The following LRATD1 variants were observed in gnomAD, a reference collection of about 807,000 sequenced individuals.
LRATD1 encodes LRAT domain containing 1, also known as protein LRATD1.
LRATD1 carries 8 observed loss-of-function variants against 21.3 expected under a neutral mutation model. The ratio of observed to expected loss-of-function variants is 0.38; its 90% CI spans 0.22 to 0.68. LRATD1 has a LOEUF of 0.68. Among genes scored for constraint, LRATD1 ranks in the 30% least tolerant of loss-of-function variants. The probability of loss-of-function intolerance (pLI) is 0.54; values close to 1 mark genes in which losing one functional copy is unlikely to be tolerated. For synonymous variants in LRATD1, 210 were observed against 186.2 expected (o/e 1.13, Z -1.04); for missense variants, 380 against 404.0 (o/e 0.94, Z 0.51).
chr2:14,647,306 G>C (rs897579002), intron 4 of LRATD1, among the ~76,000 whole-genome samples: 2 of 152,052 alleles, frequency 1.3e-5, no homozygotes, highest in Non-Finnish European at 2.9e-5. Context: ...GAGAGAATGG[G>C]TCTTCTCTTA....
intron 4 of LRATD1, among the ~76,000 whole-genome samples, chr2:14,646,851 T>A (rs1289344728): frequency 6.6e-6 from 1 of 152,196 alleles, no homozygotes; most frequent in Non-Finnish European, 1.5e-5. Flanking sequence ...ACCATTCTCA[T>A]TAAAACATAT....
At chr2:14,641,816 C>G (rs1181518015), downstream of LRATD1, among the ~76,000 whole-genome samples, 1 of 152,204 alleles carries the variant, frequency 6.6e-6, no homozygotes, top group Non-Finnish European at 1.5e-5. Context: ...AATTCCAGAA[C>G]AGCAAACTCT....
rs766815137 is a variant in LRATD1, at chr2:14,635,508, G to A, written c.*650G>A. 3 of 471,238 alleles carry A rather than the reference G, an allele frequency of 6.4e-6. No individual in the cohort carries two copies. Among genetic ancestry groups the A allele is most frequent in the South Asian group, 3.1e-5 (2 of 64,578 alleles). 29.2% of individuals were successfully genotyped at this position (471,238 alleles called of 1,614,324 possible). On this transcript the variant is annotated 3_prime_UTR_variant, in exon 2 of 2. Coordinates refer to ENST00000295092, the MANE Select transcript of LRATD1 (RefSeq NM_145175.4). ...CATTGTGTTCCAGGCTGCGGGCTAA[G>A]CCAGACAGTGTTTGCCTCCGGTTCT...
At chr2:14,642,108 A>C (rs1037862603), downstream of LRATD1, 3 of 152,548 alleles carry the variant, frequency 2.0e-5, no homozygotes, top group African/African-American at 4.8e-5. Context: ...CCCAGCATCT[A>C]TCTAGGAGGT....
At chr2:14,644,862 A>G (rs1292796693), downstream of LRATD1, among the ~76,000 whole-genome samples, 1 of 152,170 alleles carries the variant, frequency 6.6e-6, no homozygotes, top group Non-Finnish European at 1.5e-5. Flanking sequence ...CTATGAGGAC[A>G]ACTATCAGAT....
rs1024532264 is a variant in LRATD1 at position 14,633,595 on chromosome 2, C to T, written c.-36-349C>T. Reference sequence around the variant, plus strand: ...CCCTTCTCCCTTTCAGCCCACCCCTCGGTCCTTCCTGGGTGTCCGTCTCCC... The same window carrying T: ...CCCTTCTCCCTTTCAGCCCACCCCTTGGTCCTTCCTGGGTGTCCGTCTCCC... On this transcript the variant is annotated intron_variant, in intron 1 of 1. Coordinates refer to ENST00000295092, the MANE Select transcript of LRATD1 (RefSeq NM_145175.4). This position sits in a 1 kb window ranked among gnomAD's most constrained non-coding sequence, Gnocchi z 7.5. The T allele has an allele frequency of 5.9e-5, 13 of 221,578 alleles. No individual in the cohort carries two copies. Among genetic ancestry groups the T allele is most frequent in the South Asian group, 4.6e-4 (4 of 8,668 alleles). The allele number at this position is 221,578 out of a possible 1,614,324, so 13.7% of individuals were successfully genotyped here. A position where few individuals can be genotyped will look rare whatever the true frequency, so the allele number is the denominator to read the frequency against.
chr2:14,634,429 C>A lies in LRATD1; in HGVS notation c.450C>A (p.Gly150=). The A allele has an allele frequency of 6.6e-7, 1 of 1,523,492 alleles. No individual in the cohort carries two copies. The highest frequency in any genetic ancestry group is 8.8e-7 in the Non-Finnish European group (1 of 1,139,410). 94.4% of individuals were successfully genotyped at this position (1,523,492 alleles called of 1,614,324 possible). Residue 150 remains glycine, a synonymous_variant, in exon 2 of 2, where the codon GGC becomes GGA. Transcript: ENST00000295092. The part of the protein sequence containing the change: ...PAPHWAVYVG[G]GQIIHLHQGE... ...CGCACTGGGCCGTCTACGTGGGCGG[C>A]GGGCAGATCATCCACCTGCACCAAG...
chr2:14,650,156 T>C (rs1343713329), downstream of LRATD1: 1 of 152,230 alleles, frequency 6.6e-6, no homozygotes, highest in Non-Finnish European at 1.5e-5. Flanking sequence ...AACCAGTTTC[T>C]TGTTATCATA....
At position 14,637,861 on chromosome 2, in the gene LRATD1, G is replaced by A. The variant is rs995567789; in HGVS notation, c.*3003G>A. On this transcript the variant is annotated 3_prime_UTR_variant, in exon 2 of 2. Coordinates refer to ENST00000295092, the MANE Select transcript of LRATD1 (RefSeq NM_145175.4). ...CAGAGTTACAGCAATTACCTGAAAA[G>A]TTTCCTAACATTTTAATAATGTTAG... 6.0e-6 allele frequency: 1 copy of A among 166,934 alleles called. No homozygotes were observed. Among genetic ancestry groups the A allele is most frequent in the South Asian group, 2.1e-4 (1 of 4,826 alleles). The allele number at this position is 166,934 out of a possible 1,614,324, so 10.3% of individuals were successfully genotyped here. A position where few individuals can be genotyped will look rare whatever the true frequency, so the allele number is the denominator to read the frequency against.
chr2:14,643,701 C>T (rs1245258441), downstream of LRATD1, among the ~76,000 whole-genome samples: 2 of 152,194 alleles, frequency 1.3e-5, no homozygotes, highest in Admixed American at 6.5e-5. Context: ...TCCTACAACA[C>T]CCCCTACAAA....
chr2:14,647,036 T>A (rs1338057613), intron 4 of LRATD1, among the ~76,000 whole-genome samples: 3 of 152,184 alleles, frequency 2.0e-5, no homozygotes, highest in African/African-American at 7.2e-5. Flanking sequence ...ACTCTTTGCT[T>A]CTTGGACAAG....
In LRATD1 at chr2:14,634,999, C is replaced by T; in HGVS notation, c.*141C>T. 1 of 1,183,568 alleles carries T rather than the reference C, an allele frequency of 8.4e-7. No homozygotes were observed. The highest frequency in any genetic ancestry group is 1.2e-6 in the Non-Finnish European group (1 of 830,614). 73.3% of individuals were successfully genotyped at this position (1,183,568 alleles called of 1,614,324 possible). On this transcript the variant is annotated 3_prime_UTR_variant, in exon 2 of 2. Transcript: ENST00000295092. The stretch of plus-strand genomic sequence containing the variant: ...CCGCCGCCGGTGGCCCGGGCCCGGG[C>T]TGCACCCCCGCATCCCCAAGCCAGC...
downstream of LRATD1, among the ~76,000 whole-genome samples, chr2:14,640,623 A>G (rs1671792281): frequency 6.6e-6 from 1 of 152,210 alleles, no homozygotes. Context: ...GAGCTTCTTT[A>G]TTATAAGTAC....
In LRATD1 at chr2:14,634,663, G is replaced by C. The variant is rs747270798; in HGVS notation, c.684G>C (p.Ala228=). 6.4e-7 allele frequency: 1 copy of C among 1,554,058 alleles called. No homozygotes were observed. The highest frequency in any genetic ancestry group is 1.4e-5 in the African/African-American group (1 of 73,054). The change falls in exon 2 of 2, where the codon GCG becomes GCC. Residue 228 remains alanine (A), a synonymous_variant. Coordinates refer to ENST00000295092, the MANE Select transcript of LRATD1 (RefSeq NM_145175.4). ...WCRFGKREFK[A]GGEVPAGTQP... ...GCTTTGGCAAGCGGGAGTTCAAGGC[G>C]GGAGGGGAGGTGCCGGCAGGCACGC...
Position 14,637,417 on chromosome 2 carries a change from G to T in LRATD1, c.*2559G>T, listed in dbSNP as rs2103409107. The T allele has an allele frequency of 6.0e-6, 1 of 167,106 alleles. No homozygotes were observed. Among genetic ancestry groups the T allele is most frequent in the East Asian group, 1.9e-4 (1 of 5,184 alleles). The allele number at this position is 167,106 out of a possible 1,614,324, so 10.4% of individuals were successfully genotyped here. ...GGAATGTCTTGTCAGTTTTATACTTGCTGAGGCTAGACTGACAATAAAAAT... is the reference window on the plus strand; with the variant it reads ...GGAATGTCTTGTCAGTTTTATACTTTCTGAGGCTAGACTGACAATAAAAAT... On this transcript the variant is annotated 3_prime_UTR_variant, in exon 2 of 2. Coordinates refer to ENST00000295092, the MANE Select transcript of LRATD1 (RefSeq NM_145175.4).
At chr2:14,651,587 T>C (rs1474993154), downstream of LRATD1, among the ~76,000 whole-genome samples, 1 of 152,168 alleles carries the variant, frequency 6.6e-6, no homozygotes, top group Non-Finnish European at 1.5e-5. Flanking sequence ...ACTCTGGCAG[T>C]TGCAAAGTGA....
intron 4 of LRATD1, chr2:14,646,547 A>C (rs551263597): frequency 6.6e-6 from 1 of 152,342 alleles, no homozygotes; most frequent in Non-Finnish European, 1.5e-5. Flanking sequence ...TCTTTCAAAA[A>C]TAAGTTGAAC....
At chr2:14,648,622 G>GT (rs1327486619) in intron 4 of LRATD1, among the ~76,000 whole-genome samples, 1 of 152,114 alleles carries the variant, frequency 6.6e-6, no homozygotes, top group African/African-American at 2.4e-5. Context: ...GTAAACACTT[G>GT]TATAAGAATT....
At position 14,633,725 on chromosome 2, in the gene LRATD1, G is replaced by A. The variant is rs1000641760; in HGVS notation, c.-36-219G>A. On this transcript the variant is annotated intron_variant, in intron 1 of 1. Transcript: ENST00000295092. The surrounding 1 kb of genome is among the most constrained non-coding windows in gnomAD (Gnocchi z 7.5). ...TTGGACCGAGTTCCCGGAAGGGGTC[G>A]GAGGCTGTGTGGTGGCGTCTGCTCT... The A allele has an allele frequency of 2.2e-5, 11 of 505,730 alleles. No homozygotes were observed. Among genetic ancestry groups the A allele is most frequent in the Non-Finnish European group, 3.5e-5 (10 of 284,150 alleles). The allele number at this position is 505,730 out of a possible 1,614,324, so 31.3% of individuals were successfully genotyped here. A position where few individuals can be genotyped will look rare whatever the true frequency, so the allele number is the denominator to read the frequency against.
Sources: allele counts gnomAD v4.1 joint callset (sites outside exome capture counted in the v4.1 genomes callset), GRCh38; gene constraint gnomAD v4.1.1; non-coding constraint Gnocchi (gnomAD v3.1); transcripts MANE v1.5; gene names NCBI Gene and HGNC (gene_info 2026-07-23, HGNC 2026-07-21).